PXK: variants seen among roughly 807,000 people sequenced by gnomAD.
PXK encodes the protein PX domain-containing protein kinase-like protein.
A neutral mutation model predicts 84.7 loss-of-function variants in PXK; 35 were observed. The ratio of observed to expected loss-of-function variants is 0.41; its 90% confidence interval spans 0.32 to 0.55. The LOEUF is 0.55. PXK is among the 20% of genes least tolerant of loss of function. PXK has a pLI of 0.21. For synonymous variants in PXK, 253 were observed against 260.8 expected (o/e 0.97, Z 0.29); for missense variants, 634 against 699.7 (o/e 0.91, Z 1.06).
chr3:58,423,196 T>A (rs560499456), intron 17 of PXK: 1 of 984,634 alleles, frequency 1.0e-6, no homozygotes, highest in African/African-American at 1.7e-5. Context: ...CACACATGCT[T>A]ATTCTCCGTT....
rs543142854 is a variant in PXK at position 58,408,985 on chromosome 3, T to C, written c.1292T>C (p.Ile431Thr). The change falls in exon 14 of 18, where the codon ATT (isoleucine) becomes ACT (threonine). Residue 431 changes from isoleucine to threonine, a missense_variant. Ile to Thr is a moderately conservative substitution (Grantham distance 89). Transcript: ENST00000356151. ...IAKECIEKRL[I>T]EEQKQIHQHR... ...AAAGAATGTATAGAGAAGAGACTAA[T>C]TGAGGAACAGAAACAGGTAAATTGA... is the stretch of plus-strand genomic sequence containing the variant. 3 of 1,584,580 alleles carry C rather than the reference T, an allele frequency of 1.9e-6. No individual in the cohort carries two copies. The highest frequency in any genetic ancestry group is 2.7e-5 in the African/African-American group (2 of 74,272).
intron 17 of PXK, among the ~76,000 whole-genome samples, chr3:58,415,767 C>A (rs915094249): frequency 2.6e-5 from 4 of 152,146 alleles, no homozygotes; most frequent in African/African-American, 9.7e-5. Context: ...GCAAAATGCT[C>A]AAAAATCTGA....
chr3:58,333,542 C>T lies in PXK; in HGVS notation c.102+452C>T, dbSNP rs1254246619. On this transcript the variant is annotated intron_variant, in intron 1 of 17. Coordinates refer to ENST00000356151, the MANE Select transcript of PXK (RefSeq NM_017771.5). This position sits in a 1 kb window ranked among gnomAD's most constrained non-coding sequence, Gnocchi z 5.4. ...CTGGGTGATGGGGATGAGGGTGTGCCGGGCCAAATGAAGTGTGACTCCAGA... is the reference window on the plus strand; with the variant it reads ...CTGGGTGATGGGGATGAGGGTGTGCTGGGCCAAATGAAGTGTGACTCCAGA... The T allele has an allele frequency of 6.6e-6, 3 of 456,540 alleles. No homozygotes were observed. The Admixed American group carries it at 7.0e-5, about 11-fold the overall frequency. 28.3% of individuals were successfully genotyped at this position (456,540 alleles called of 1,614,324 possible). A position where few individuals can be genotyped will look rare whatever the true frequency, so the allele number is the denominator to read the frequency against.
At chr3:58,386,289 A>ATTTTTTTTT (rs2098549912) in intron 4 of PXK, among the ~76,000 whole-genome samples, 5 of 43,466 alleles carry the variant, frequency 1.2e-4, no homozygotes, top group African/African-American at 3.6e-4. Flanking sequence ...TATCCCCCTT[A>ATTTTTTTTT]CTTTTTTTTT....
At chr3:58,353,134 C>T (rs1275631513) in intron 1 of PXK, among the ~76,000 whole-genome samples, 1 of 152,078 alleles carries the variant, frequency 6.6e-6, no homozygotes, top group East Asian at 1.9e-4. Context: ...ATAGCTGGGA[C>T]TACAGGCGCC....
intron 1 of PXK, among the ~76,000 whole-genome samples, chr3:58,363,384 G>A (rs2098220713): frequency 6.6e-6 from 1 of 152,174 alleles, no homozygotes; most frequent in African/African-American, 2.4e-5. Flanking sequence ...AGGCTGGAGT[G>A]CGGGTGCCAA....
At chr3:58,413,779 C>CT (rs2060561562) in intron 17 of PXK, 1 of 152,162 alleles carries the variant, frequency 6.6e-6, no homozygotes, top group Admixed American at 6.5e-5. Flanking sequence ...GGAAGGGTTC[C>CT]TACAAGCTGT....
At chr3:58,375,046 A>G (rs779592546) in intron 3 of PXK, among the ~76,000 whole-genome samples, 9 of 152,254 alleles carry the variant, frequency 5.9e-5, no homozygotes, top group African/African-American at 1.2e-4. Flanking sequence ...CATTTAAAAA[A>G]GTGAAATGAA....
chr3:58,406,521 C>A (rs2059432445), intron 13 of PXK, among the ~76,000 whole-genome samples: 1 of 151,964 alleles, frequency 6.6e-6, no homozygotes, highest in South Asian at 2.1e-4. Flanking sequence ...AAGTGGCCTC[C>A]CAAAGTGCTG....
rs2059559969 is a variant in PXK, at chr3:58,407,434, T to C, written c.1231-1490T>C. On this transcript the variant is annotated intron_variant, in intron 13 of 17. Coordinates refer to ENST00000356151, the MANE Select transcript of PXK (RefSeq NM_017771.5). The surrounding 1 kb of genome is among the most constrained non-coding windows in gnomAD (Gnocchi z 4.3). ...TTGTTGAGTTGTTGGAGTTCCTTTA[T>C]ATATTCTGGATATTAACCCCTTATC... Among the ~76,000 whole-genome samples the C allele has an allele frequency of 6.6e-6, 1 of 152,202 alleles. No homozygotes were observed. The highest frequency in any genetic ancestry group is 1.5e-5 in the Non-Finnish European group (1 of 68,036).
chr3:58,417,749 C>G (rs1404355984), intron 17 of PXK, among the ~76,000 whole-genome samples: 2 of 152,240 alleles, frequency 1.3e-5, no homozygotes, highest in African/African-American at 4.8e-5. Flanking sequence ...TATTTATACT[C>G]TATTCATAGA....
At chr3:58,413,194 C>G in intron 17 of PXK, 4 of 582,740 alleles carry the variant, frequency 6.9e-6, no homozygotes, top group Non-Finnish European at 1.2e-5. Context: ...CTAGCCACCC[C>G]CGGGCTCCAG....
At chr3:58,374,287 C>T (rs1285866294) in intron 3 of PXK, among the ~76,000 whole-genome samples, 2 of 151,590 alleles carry the variant, frequency 1.3e-5, no homozygotes, top group Non-Finnish European at 2.9e-5. Context: ...TATCCTGCCT[C>T]AGCCTCCCAA....
Position 58,333,155 on chromosome 3 carries a change from TGCCTGGCGCGGGCC to T in PXK, c.102+67_102+80del. On this transcript the variant is annotated intron_variant, in intron 1 of 17. Transcript: ENST00000356151. The surrounding 1 kb of genome is among the most constrained non-coding windows in gnomAD (Gnocchi z 5.4). ...CCCGGGCCGCGAGGGGGCTGCGGGC[TGCCTGGCGCGGGCC>T]GGGCAGGGTCGTCGGACGGAGACCG... The T allele has an allele frequency of 1.1e-6, 1 of 948,480 alleles. No homozygotes were observed. The highest frequency in any genetic ancestry group is 1.3e-6 in the Non-Finnish European group (1 of 786,880). 58.8% of individuals were successfully genotyped at this position (948,480 alleles called of 1,614,324 possible).
At chr3:58,402,988 C>A (rs958522860) in intron 12 of PXK, among the ~76,000 whole-genome samples, 1 of 149,848 alleles carries the variant, frequency 6.7e-6, no homozygotes, top group Non-Finnish European at 1.5e-5. Context: ...CTGTTGTTTA[C>A]TTTTTTGCAA....
chr3:58,424,471 T>C (rs1392059895), intron 17 of PXK, among the ~76,000 whole-genome samples: 2 of 152,236 alleles, frequency 1.3e-5, no homozygotes, highest in East Asian at 3.9e-4. Context: ...GCCTCATCTA[T>C]GCAGAGAATG....
In PXK at chr3:58,407,846, C is replaced by T. The variant is rs79690744; in HGVS notation, c.1231-1078C>T. Among the ~76,000 whole-genome samples, 19,774 of 152,160 alleles carry T rather than the reference C, an allele frequency of 0.13. 1,955 individuals are homozygous for T. The highest frequency in any genetic ancestry group is 0.27 in the African/African-American group (11,231 of 41,448). ...TATTGGGATTACAGGCGTGAGCCAC[C>T]TTGCCCGGCTGCACCAAAGTTTTAA... On this transcript the variant is annotated intron_variant, in intron 13 of 17. Transcript: ENST00000356151. This position sits in a 1 kb window ranked among gnomAD's most constrained non-coding sequence, Gnocchi z 4.3.
chr3:58,335,060 G>GTGTGTGTGT (rs2097570054), intron 1 of PXK, among the ~76,000 whole-genome samples: 7 of 132,898 alleles, frequency 5.3e-5, no homozygotes, highest in Non-Finnish European at 9.8e-5. Flanking sequence ...TGTGTGTGTG[G>GTGTGTGTGT]AGACAGCGTC....
At chr3:58,355,010 T>C (rs1040527914) in intron 1 of PXK, among the ~76,000 whole-genome samples, 1 of 151,880 alleles carries the variant, frequency 6.6e-6, no homozygotes, top group African/African-American at 2.4e-5. Flanking sequence ...TCGCAGCTAC[T>C]TGGGAGGCTG....
Sources: allele counts gnomAD v4.1 joint callset (sites outside exome capture counted in the v4.1 genomes callset), GRCh38; gene constraint gnomAD v4.1.1; non-coding constraint Gnocchi (gnomAD v3.1); transcripts MANE v1.5; gene names NCBI Gene and HGNC (gene_info 2026-07-23, HGNC 2026-07-21).